Variants in USH2A observed in about 807,000 individuals in gnomAD.
USH2A encodes the protein Usher syndrome 2A (autosomal recessive, mild).
A neutral mutation model predicts 538.9 loss-of-function variants in USH2A; 443 were observed. That is an observed-to-expected ratio of 0.82 (90% confidence interval 0.76 to 0.89). USH2A has a LOEUF of 0.89. Ranked by LOEUF, USH2A falls within the 40% of genes least tolerant of loss-of-function variation. The pLI is 0.00. For synonymous variants in USH2A, 2,413 were observed against 2,273.5 expected, an observed-to-expected ratio of 1.06 and a Z score of -1.75; for missense variants, 6,633 against 6,324.8, an observed-to-expected ratio of 1.05 and a Z score of -1.65.
In USH2A at chr1:215,779,271, A is replaced by T. The variant is rs142741764; in HGVS notation, c.10939+572T>A. Reference sequence around the variant, plus strand: ...CCTGTTAATTATTATCATAATCACTACTAGCAATTATCTAACATATCATTG... The same window carrying T: ...CCTGTTAATTATTATCATAATCACTTCTAGCAATTATCTAACATATCATTG... On this transcript the variant is annotated intron_variant, in intron 55 of 71. Transcript: ENST00000307340. Among the ~76,000 whole-genome samples, 9 of 152,302 alleles carry T rather than the reference A, an allele frequency of 5.9e-5. No individual in the cohort carries two copies. In the East Asian group the frequency reaches 1.7e-3, roughly 29 times the overall value.
intron 21 of USH2A, among the ~76,000 whole-genome samples, chr1:216,112,236 T>C (rs112185143): frequency 5.3e-5 from 8 of 152,310 alleles, no homozygotes; most frequent in African/African-American, 1.9e-4. Context: ...TATTTAAACA[T>C]GTATTTTTTC....
chr1:216,083,143 T>A (rs2032006855), intron 26 of USH2A, among the ~76,000 whole-genome samples: 1 of 152,034 alleles, frequency 6.6e-6, no homozygotes, highest in African/African-American at 2.4e-5. Flanking sequence ...CTTTCAAAAC[T>A]CATATCAAAA....
At chr1:215,853,743 C>A (rs1193596192) in intron 44 of USH2A, among the ~76,000 whole-genome samples, 7 of 152,164 alleles carry the variant, frequency 4.6e-5, no homozygotes, top group Non-Finnish European at 1.0e-4. Context: ...AGGGCAGGGG[C>A]AAAATGCTGC....
rs1657959250 is a variant in USH2A at position 215,674,963 on chromosome 1, G to A, written c.12948C>T (p.Phe4316=). ...GAAGAAGCTCTTCATCAGTGTAATT[G>A]AAAGTCACAGGATCAAAGCTAAAAG... ...LYPFSFDPVT[F]NYTDEELLPF... The change falls in exon 63 of 72, where the codon TTC becomes TTT. Residue 4316 remains phenylalanine, a synonymous_variant. Coordinates refer to ENST00000307340, the MANE Select transcript of USH2A (RefSeq NM_206933.4). 1 of 1,614,074 alleles carries A rather than the reference G, an allele frequency of 6.2e-7. No homozygotes were observed. Among genetic ancestry groups the A allele is most frequent in the Admixed American group, 1.7e-5 (1 of 60,002 alleles).
In USH2A at chr1:216,134,968, G is replaced by C. The variant is rs193287318; in HGVS notation, c.4628-37755C>G. On this transcript the variant is annotated intron_variant, in intron 21 of 71. Transcript: ENST00000307340. The stretch of plus-strand genomic sequence containing the variant: ...TTAACTGTAAGTCTCTGGCCAGCAA[G>C]AGTTGGATTCTCAAACTGGCAGATC... Among the ~76,000 whole-genome samples, 3 of 152,160 alleles carry C rather than the reference G, an allele frequency of 2.0e-5. No homozygotes were observed. In the East Asian group the frequency reaches 5.8e-4, roughly 29 times the overall value.
intron 70 of USH2A, among the ~76,000 whole-genome samples, chr1:215,633,415 T>C (rs921337090): frequency 3.9e-5 from 6 of 152,174 alleles, no homozygotes; most frequent in Admixed American, 2.6e-4. Context: ...ACTGCCCTTT[T>C]GTGCTCCCAA....
intron 64 of USH2A, among the ~76,000 whole-genome samples, chr1:215,661,378 A>G (rs1657429471): frequency 2.0e-5 from 3 of 152,156 alleles, no homozygotes; most frequent in Non-Finnish European, 4.4e-5. Flanking sequence ...GCATGTTGAC[A>G]AGGCTGAATT....
chr1:216,044,994 T>G (rs1347628), intron 32 of USH2A, among the ~76,000 whole-genome samples: 1 of 151,978 alleles, frequency 6.6e-6, no homozygotes, highest in Non-Finnish European at 1.5e-5. Context: ...TACACAGCCC[T>G]GTCCACACGA....
In USH2A at chr1:215,878,744, T is replaced by C; in HGVS notation, c.8558+20A>G. Reference sequence around the variant, plus strand: ...GATAAGGACTACAGCAACATAAAAATCATAGTCACCTTCTCTTACCTCAAA... The same window carrying C: ...GATAAGGACTACAGCAACATAAAAACCATAGTCACCTTCTCTTACCTCAAA... On this transcript the variant is annotated intron_variant, in intron 42 of 71. Transcript: ENST00000307340. 2 of 1,612,002 alleles carry C rather than the reference T, an allele frequency of 1.2e-6. No homozygotes were observed. The highest frequency in any genetic ancestry group is 2.7e-5 in the African/African-American group (2 of 75,000).
chr1:215,884,723 T>C lies in USH2A; in HGVS notation c.8223+3703A>G, dbSNP rs1265625880. 3.3e-5 allele frequency among the ~76,000 whole-genome samples: 5 copies of C among 152,210 alleles called. No individual in the cohort carries two copies. The East Asian group carries it at 5.8e-4, about 18-fold the overall frequency. On this transcript the variant is annotated intron_variant, in intron 41 of 71. Transcript: ENST00000307340. ...CATCTTTAAAAGTCAATGAGGATGA[T>C]GATTAAGACTCAACTTCTTTTACTT...
At chr1:215,728,536 G>T in intron 60 of USH2A, 152 bp from the exon 61 acceptor site, 1 of 725,482 alleles carries the variant, frequency 1.4e-6, no homozygotes, top group Non-Finnish European at 2.3e-6. Flanking sequence ...ACCAGATGGA[G>T]AAGTACTCCA....
rs753233925 is a variant in USH2A, at chr1:215,996,560, G to GTTTTTTTTTTTTTTTTTT, written c.6657+2309_6657+2326dup. ...TTTGTTGAGAGTAGCAACATATTAT[G>GTTTTTTTTTTTTTTTTTT]TTTTTTTTTTTTTTTTTTTTTTTTT... On this transcript the variant is annotated intron_variant, in intron 34 of 71. Transcript: ENST00000307340. Among the ~76,000 whole-genome samples the GTTTTTTTTTTTTTTTTTT allele has an allele frequency of 9.7e-5, 5 of 51,718 alleles. 1 individual carries two copies. The highest frequency in any genetic ancestry group is 2.8e-4 in the African/African-American group (3 of 10,788). The allele number at this position is 51,718 out of a possible 152,430, so 33.9% of individuals were successfully genotyped here.
chr1:216,257,246 T>C (rs919662517), intron 11 of USH2A, among the ~76,000 whole-genome samples: 39 of 151,976 alleles, frequency 2.6e-4, no homozygotes, highest in Non-Finnish European at 1.0e-4. Context: ...TCATTATATG[T>C]ATTGCAAATA....
chr1:216,244,255 A>G (rs1323601983), intron 13 of USH2A, among the ~76,000 whole-genome samples: 1 of 152,136 alleles, frequency 6.6e-6, no homozygotes, highest in African/African-American at 2.4e-5. Flanking sequence ...GTGTAGCTCC[A>G]GTGAAGTGGC....
At chr1:216,095,361 T>G (rs1337170418) in intron 22 of USH2A, among the ~76,000 whole-genome samples, 1 of 139,908 alleles carries the variant, frequency 7.1e-6, no homozygotes, top group Non-Finnish European at 1.5e-5. Context: ...TTAATCTACT[T>G]AAAGTTTTCA....
At position 215,655,725 on chromosome 1, in the gene USH2A, C is replaced by CTTTTTTTT. The variant is rs766225635; in HGVS notation, c.14134-4932_14134-4925dup. Among the ~76,000 whole-genome samples the CTTTTTTTT allele has an allele frequency of 1.4e-3, 132 of 96,184 alleles. 2 individuals carry two copies. Among genetic ancestry groups the CTTTTTTTT allele is most frequent in the Admixed American group, 2.5e-3 (20 of 8,140 alleles). The allele number at this position is 96,184 out of a possible 152,430, so 63.1% of individuals were successfully genotyped here. On this transcript the variant is annotated intron_variant, in intron 64 of 71. Coordinates refer to ENST00000307340, the MANE Select transcript of USH2A (RefSeq NM_206933.4). ...TGCTTCTGTTACTGTGCTAGTTATT[C>CTTTTTTTT]TTTTTTTTTTTTTTTTTTTTTTTTC...
At chr1:216,086,413 T>G (rs2032135085) in intron 24 of USH2A, among the ~76,000 whole-genome samples, 1 of 152,098 alleles carries the variant, frequency 6.6e-6, no homozygotes, top group African/African-American at 2.4e-5. Flanking sequence ...ATTTAAAATC[T>G]TAGAAAAAAC....
chr1:216,175,393 G>T lies in USH2A; in HGVS notation c.4486C>A (p.Pro1496Thr). The T allele has an allele frequency of 6.2e-7, 1 of 1,613,762 alleles. No homozygotes were observed. The highest frequency in any genetic ancestry group is 8.5e-7 in the Non-Finnish European group (1 of 1,179,872). The part of the protein sequence containing the change: ...RWFPPEELNG[P>T]SPIYQLERRE... ...CTTTCCAGCTGATATATAGGAGAGGGTCCATTCAGTTCTTCAGGTGGAAAC... is the reference window on the plus strand; with the variant it reads ...CTTTCCAGCTGATATATAGGAGAGGTTCCATTCAGTTCTTCAGGTGGAAAC... Residue 1496 changes from proline (P) to threonine (T), a missense_variant, in exon 21 of 72, where the codon CCC becomes ACC. Pro to Thr is a conservative substitution (Grantham distance 38). Coordinates refer to ENST00000307340, the MANE Select transcript of USH2A (RefSeq NM_206933.4).
chr1:216,007,132 G>A (rs1668412599), intron 32 of USH2A, among the ~76,000 whole-genome samples: 1 of 152,108 alleles, frequency 6.6e-6, no homozygotes, highest in Admixed American at 6.5e-5. Flanking sequence ...TACCATGTAA[G>A]ATGTGCCTTT....
Sources: allele counts gnomAD v4.1 joint callset (sites outside exome capture counted in the v4.1 genomes callset), GRCh38; gene constraint gnomAD v4.1.1; transcripts MANE v1.5; gene names NCBI Gene and HGNC (gene_info 2026-07-23, HGNC 2026-07-21).